Variants in DSE observed in about 807,000 individuals in gnomAD.
The protein encoded by DSE is dermatan sulfate epimerase.
DSE carries 36 observed loss-of-function variants against 84.4 expected under a neutral mutation model. The observed-to-expected ratio is 0.43, with a 90% CI of 0.33 to 0.56. DSE has a LOEUF of 0.56. DSE is among the 20% of genes least tolerant of loss of function. DSE has a pLI of 0.06. For missense variants in DSE, 862 were observed against 1,169.6 expected, an observed-to-expected ratio of 0.74 and a Z score of 3.84; for synonymous variants, 410 against 430.1, an observed-to-expected ratio of 0.95 and a Z score of 0.58.
intron 2 of DSE, chr6:116,279,226 A>G: frequency 6.2e-7 from 1 of 1,609,196 alleles, no homozygotes; most frequent in Non-Finnish European, 8.5e-7. Context: ...CGCCACTTCT[A>G]TTTCTTCACC....
chr6:116,435,520 A>G (rs1177102831), intron 5 of DSE, 67 bp from the exon 6 acceptor site: 1 of 1,475,864 alleles, frequency 6.8e-7, no homozygotes, highest in Non-Finnish European at 9.1e-7. Flanking sequence ...CATCTTCCAC[A>G]TTACCATGTT....
At chr6:116,354,760 C>G in intron 2 of DSE, among the ~76,000 whole-genome samples, 1 of 152,092 alleles carries the variant, frequency 6.6e-6, no homozygotes, top group East Asian at 1.9e-4. Flanking sequence ...TTTATTTTCC[C>G]ACAGTTTTTC....
chr6:116,387,500 G>T (rs765846294), intron 1 of DSE, among the ~76,000 whole-genome samples: 4 of 152,156 alleles, frequency 2.6e-5, no homozygotes, highest in Non-Finnish European at 4.4e-5. Context: ...GTGAGCAAAT[G>T]ACCACGTGCA....
At position 116,436,539 on chromosome 6, in the gene DSE, A is replaced by C; in HGVS notation, c.2071A>C (p.Lys691Gln). Residue 691 changes from lysine (K) to glutamine (Q), a missense_variant, in exon 6 of 6, where the codon AAA (lysine) becomes CAA (glutamine). This residue lies in a region of DSE where 315 missense variants were observed against 348.1 expected (regional missense o/e 0.90). Transcript: ENST00000644252. ...QQLDVFIATS[K>Q]HAYATYLWTG... The stretch of plus-strand genomic sequence containing the variant: ...ACTGGATGTGTTCATAGCCACCAGC[A>C]AACATGCCTACGCCACATACCTGTG... 2 of 1,614,178 alleles carry C rather than the reference A, an allele frequency of 1.2e-6. No homozygotes were observed. Among genetic ancestry groups the C allele is most frequent in the African/African-American group, 2.7e-5 (2 of 75,048 alleles).
chr6:116,261,979 C>T (rs771952932), intron 2 of DSE, among the ~76,000 whole-genome samples: 8 of 152,110 alleles, frequency 5.3e-5, no homozygotes, highest in Non-Finnish European at 8.8e-5. Flanking sequence ...TTTTGATGTG[C>T]GGCTGGATTT....
chr6:116,267,864 G>A (rs1368025793), intron 2 of DSE, among the ~76,000 whole-genome samples: 1 of 152,090 alleles, frequency 6.6e-6, no homozygotes, highest in African/African-American at 2.4e-5. Context: ...GCTTGAGAGA[G>A]AGAGAGAGAG....
At chr6:116,262,197 T>C (rs887251542) in intron 2 of DSE, among the ~76,000 whole-genome samples, 1 of 152,218 alleles carries the variant, frequency 6.6e-6, no homozygotes, top group African/African-American at 2.4e-5. Flanking sequence ...GTACATCTGG[T>C]AGAATTCAGC....
rs187873876 is a variant in DSE at position 116,379,501 on chromosome 6, A to G, written c.-54+8380A>G. Among the ~76,000 whole-genome samples the G allele has an allele frequency of 8.7e-4, 133 of 152,230 alleles. 1 individual carries two copies. Among genetic ancestry groups the G allele is most frequent in the Middle Eastern group, 3.4e-3 (1 of 294 alleles). On this transcript the variant is annotated intron_variant, in intron 1 of 5. Transcript: ENST00000644252. ...CTTTACTTTAATTCTTCCGTAAGTTAGAGCTTTTGGTTTTAATGAGAACCC... is the reference window on the plus strand; with the variant it reads ...CTTTACTTTAATTCTTCCGTAAGTTGGAGCTTTTGGTTTTAATGAGAACCC...
intron 1 of DSE, 56 bp from the exon 2 acceptor site, chr6:116,399,142 C>G: frequency 7.0e-7 from 1 of 1,438,114 alleles, no homozygotes; most frequent in South Asian, 1.2e-5. Flanking sequence ...TGTTTCCACA[C>G]CTGTGCCATG....
chr6:116,403,395 AATTTT>A, intron 2 of DSE, among the ~76,000 whole-genome samples: 1 of 151,718 alleles, frequency 6.6e-6, no homozygotes, highest in East Asian at 1.9e-4. Flanking sequence ...CAGCAATAAT[AATTTT>A]AATTTAATAA....
chr6:116,331,671 C>T (rs1353320872), intron 2 of DSE, among the ~76,000 whole-genome samples: 1 of 152,038 alleles, frequency 6.6e-6, no homozygotes, highest in Non-Finnish European at 1.5e-5. Flanking sequence ...TTGAAAAGAA[C>T]AAGTAGGCCG....
intron 2 of DSE, among the ~76,000 whole-genome samples, chr6:116,415,340 C>T (rs1011888201): frequency 6.6e-6 from 1 of 152,112 alleles, no homozygotes; most frequent in Non-Finnish European, 1.5e-5. Flanking sequence ...TGAATGAAAC[C>T]TGATATTCCA....
chr6:116,371,137 C>G lies in DSE; in HGVS notation c.-54+16C>G, dbSNP rs1487440519. ...GCTGGGAGCGGTAAGTGGAGGGGCG[C>G]GCAAGGGACGAGCTGGGGCGCGCGG... On this transcript the variant is annotated intron_variant, in intron 1 of 5. Coordinates refer to ENST00000644252, the MANE Select transcript of DSE (RefSeq NM_013352.4). The G allele has an allele frequency of 2.0e-6, 2 of 986,028 alleles. No individual in the cohort carries two copies. The highest frequency in any genetic ancestry group is 2.4e-6 in the Non-Finnish European group (2 of 830,510). The allele number at this position is 986,028 out of a possible 1,614,324, so 61.1% of individuals were successfully genotyped here.
At chr6:116,267,576 TA>T (rs1772686335) in intron 2 of DSE, among the ~76,000 whole-genome samples, 1 of 152,116 alleles carries the variant, frequency 6.6e-6, no homozygotes, top group African/African-American at 2.4e-5. Context: ...AGTTAAAACA[TA>T]AAGTAAAAAA....
chr6:116,405,554 A>T (rs1322871508), intron 2 of DSE, among the ~76,000 whole-genome samples: 3 of 151,630 alleles, frequency 2.0e-5, no homozygotes, highest in Non-Finnish European at 4.4e-5. Context: ...TGTTCTTTTC[A>T]TTCTGTGACC....
chr6:116,342,514 C>T (rs943422059), intron 2 of DSE, among the ~76,000 whole-genome samples: 10 of 151,942 alleles, frequency 6.6e-5, no homozygotes, highest in African/African-American at 2.2e-4. Context: ...CTCCTGACCT[C>T]GTAATCTACC....
chr6:116,388,382 C>T (rs1321310769), intron 1 of DSE, among the ~76,000 whole-genome samples: 1 of 152,192 alleles, frequency 6.6e-6, no homozygotes, highest in East Asian at 1.9e-4. Flanking sequence ...GTCTGCTTTA[C>T]TCAGTTTAGT....
chr6:116,435,672 T>TA lies in DSE; in HGVS notation c.1205dup (p.Tyr402Ter), dbSNP rs1440078435. 2 of 1,614,002 alleles carry TA rather than the reference T, an allele frequency of 1.2e-6. No homozygotes were observed. Among genetic ancestry groups the TA allele is most frequent in the Non-Finnish European group, 1.7e-6 (2 of 1,180,002 alleles). Reference protein sequence around the residue: ...HYFEDWGVVTYGSALPAEINR... With the variant: ...HYFEDWGVVT ...TTTTGAAGACTGGGGTGTCGTGACT[T>TA]ATGGAAGTGCACTACCTGCAGAAAT... The change falls in exon 6 of 6, where the codon TAT (tyrosine) becomes TAAT (stop). Residue 402 changes from tyrosine (Y) to a stop codon, truncating the protein, a stop_gained and frameshift_variant. Transcript: ENST00000644252. LOFTEE classifies it high-confidence loss of function.
Position 116,399,053 on chromosome 6 carries a change from CTAAT to C in DSE, c.-53-141_-53-138del, listed in dbSNP as rs1781423219. ...AATCAGAACTTTAGTAATTTTCTTC[CTAAT>C]TAAATTTTTTTGTTGTATTTTTAAA... On this transcript the variant is annotated intron_variant, in intron 1 of 5. Transcript: ENST00000644252. The C allele has an allele frequency of 1.3e-4, 86 of 656,598 alleles. No individual in the cohort carries two copies. The South Asian group carries it at 1.7e-3, about 13-fold the overall frequency. 40.7% of individuals were successfully genotyped at this position (656,598 alleles called of 1,614,324 possible).
Sources: gnomAD v4.1 joint callset for allele counts (sites outside exome capture counted in the v4.1 genomes callset) on GRCh38, gnomAD v4.1.1 for gene constraint, gnomAD v4.1.1 regional missense constraint, MANE v1.5 for transcripts, NCBI Gene and HGNC (gene_info 2026-07-23, HGNC 2026-07-21) for gene names.